The following TBC1D1 variants were observed in gnomAD, a reference collection of about 807,000 sequenced individuals.
The protein encoded by TBC1D1 is TBC1 (tre-2/USP6, BUB2, cdc16) domain family, member 1.
In TBC1D1, 89 loss-of-function variants were observed where a neutral mutation model predicts 125.6. That is an observed-to-expected ratio of 0.71 (90% CI 0.60 to 0.85). TBC1D1 has a LOEUF of 0.85. Ranked by LOEUF, TBC1D1 falls within the 40% of genes least tolerant of loss-of-function variation. TBC1D1 has a pLI of 0.00. For synonymous variants in TBC1D1, 565 were observed against 564.1 expected, an observed-to-expected ratio of 1.00 and a Z score of -0.02; for missense variants, 1,377 against 1,469.2, an observed-to-expected ratio of 0.94 and a Z score of 1.03.
intron 7 of TBC1D1, among the ~76,000 whole-genome samples, chr4:38,034,953 T>C (rs1331564943): frequency 6.6e-6 from 1 of 152,200 alleles, no homozygotes; most frequent in Non-Finnish European, 1.5e-5. Flanking sequence ...GAAGCTAGAA[T>C]TAAGGGGCTT....
At chr4:37,920,030 G>A (rs547270209) in intron 2 of TBC1D1, among the ~76,000 whole-genome samples, 5 of 152,316 alleles carry the variant, frequency 3.3e-5, no homozygotes, top group South Asian at 2.1e-4. Context: ...GGAGAATGGC[G>A]TGAACCGGTG....
chr4:37,964,347 C>G (rs1046434914), intron 2 of TBC1D1, among the ~76,000 whole-genome samples: 1 of 152,202 alleles, frequency 6.6e-6, no homozygotes, highest in Non-Finnish European at 1.5e-5. Context: ...GGTCGGGGCG[C>G]TGTACTTCAT....
chr4:37,927,076 G>A (rs1280468510), intron 2 of TBC1D1, among the ~76,000 whole-genome samples: 2 of 152,050 alleles, frequency 1.3e-5, no homozygotes, highest in East Asian at 1.9e-4. Flanking sequence ...TCATGATCAC[G>A]CCACTGCACT....
intron 14 of TBC1D1, among the ~76,000 whole-genome samples, chr4:38,097,727 C>T (rs1035849803): frequency 1.3e-5 from 2 of 152,158 alleles, no homozygotes; most frequent in Non-Finnish European, 2.9e-5. Context: ...ATCTGCCTGC[C>T]TCGGCCTCCC....
intron 2 of TBC1D1, among the ~76,000 whole-genome samples, chr4:38,013,275 C>T (rs1014263856): frequency 2.0e-5 from 3 of 152,058 alleles, no homozygotes; most frequent in African/African-American, 7.2e-5. Flanking sequence ...AAAAATCTTT[C>T]GAGTCATTGG....
At chr4:38,050,089 T>C (rs981032842) in intron 11 of TBC1D1, among the ~76,000 whole-genome samples, 191 bp downstream of exon 11, 1 of 152,156 alleles carries the variant, frequency 6.6e-6, no homozygotes, top group Non-Finnish European at 1.5e-5. Context: ...GGTACTTGTA[T>C]TGTCAGGAAG....
chr4:38,006,668 A>G (rs1560605431), intron 2 of TBC1D1: 3 of 254,430 alleles, frequency 1.2e-5, no homozygotes, highest in African/African-American at 7.0e-5. Flanking sequence ...TTTAGTAGAG[A>G]TGGGGTTTCA....
At chr4:37,916,411 C>T (rs964326432) in intron 2 of TBC1D1, among the ~76,000 whole-genome samples, 1 of 151,784 alleles carries the variant, frequency 6.6e-6, no homozygotes, top group Non-Finnish European at 1.5e-5. Flanking sequence ...AGAGGTGCAT[C>T]GTTTTTAGCA....
chr4:38,037,524 G>A (rs1747454412), intron 8 of TBC1D1, among the ~76,000 whole-genome samples: 1 of 152,076 alleles, frequency 6.6e-6, no homozygotes, highest in African/African-American at 2.4e-5. Context: ...GACCCATTAG[G>A]CACAGCCTTG....
chr4:38,120,821 A>G (rs932031221), intron 17 of TBC1D1, among the ~76,000 whole-genome samples: 2 of 152,084 alleles, frequency 1.3e-5, no homozygotes, highest in Non-Finnish European at 2.9e-5. Flanking sequence ...TTCTCATCAC[A>G]TCTACCTTTG....
At chr4:37,992,081 A>T (rs994044462) in intron 2 of TBC1D1, among the ~76,000 whole-genome samples, 1 of 152,204 alleles carries the variant, frequency 6.6e-6, no homozygotes, top group Non-Finnish European at 1.5e-5. Context: ...GAGGGTTAGC[A>T]GGACTGTGTT....
intron 2 of TBC1D1, among the ~76,000 whole-genome samples, chr4:37,915,138 A>T (rs986118194): frequency 6.6e-6 from 1 of 152,190 alleles, no homozygotes; most frequent in African/African-American, 2.4e-5. Flanking sequence ...CACATAGTAG[A>T]TACTTCATGA....
intron 2 of TBC1D1, among the ~76,000 whole-genome samples, chr4:37,972,391 G>A (rs1470907214): frequency 1.3e-5 from 2 of 148,268 alleles, no homozygotes; most frequent in Non-Finnish European, 3.0e-5. Flanking sequence ...TGAGGCATGA[G>A]AATCACTTGA....
At chr4:38,059,883 G>GC (rs1173453783) in intron 12 of TBC1D1, among the ~76,000 whole-genome samples, 1 of 151,902 alleles carries the variant, frequency 6.6e-6, no homozygotes, top group African/African-American at 2.4e-5. Flanking sequence ...GCTCCCTGCC[G>GC]CCCCCCAACA....
At chr4:38,000,394 G>A (rs1738806331) in intron 2 of TBC1D1, among the ~76,000 whole-genome samples, 1 of 152,138 alleles carries the variant, frequency 6.6e-6, no homozygotes, top group African/African-American at 2.4e-5. Flanking sequence ...CTTAGGACCA[G>A]CAAGTGTTGT....
chr4:37,898,894 G>C (rs1055196440), intron 1 of TBC1D1, among the ~76,000 whole-genome samples: 1 of 152,154 alleles, frequency 6.6e-6, no homozygotes, highest in Admixed American at 6.5e-5. Flanking sequence ...ACCATAACTA[G>C]TTCTCTATCT....
At chr4:38,028,547 C>T (rs1481894199) in intron 7 of TBC1D1, among the ~76,000 whole-genome samples, 1 of 152,208 alleles carries the variant, frequency 6.6e-6, no homozygotes, top group East Asian at 1.9e-4. Context: ...GTTGGACATG[C>T]TTGGCTTAAG....
At chr4:38,119,544 C>T (rs780054100) in intron 17 of TBC1D1, among the ~76,000 whole-genome samples, 57 of 151,818 alleles carry the variant, frequency 3.8e-4, no homozygotes, top group Non-Finnish European at 6.5e-4. Context: ...AACTAAAAGC[C>T]TCAAAATTGT....
At chr4:38,111,953 G>A in intron 15 of TBC1D1, 4 of 985,468 alleles carry the variant, frequency 4.1e-6, no homozygotes, top group Non-Finnish European at 4.8e-6. Flanking sequence ...TTGCTGTGCA[G>A]TGGGACAGGA....
Sources: gnomAD v4.1 joint callset for allele counts (sites outside exome capture counted in the v4.1 genomes callset) on GRCh38, gnomAD v4.1.1 for gene constraint, MANE v1.5 for transcripts, NCBI Gene and HGNC (gene_info 2026-07-23, HGNC 2026-07-21) for gene names.